HOXA5: variants seen among roughly 807,000 people sequenced by gnomAD.
HOXA5 encodes the protein homeobox protein Hox-A5.
Under a neutral mutation model 20.0 loss-of-function variants are expected in HOXA5, and 12 were observed. That is an observed-to-expected ratio of 0.60 (90% CI 0.38 to 0.97). The LOEUF (loss-of-function observed/expected upper bound fraction) is 0.97, where lower values mean the gene tolerates loss of function less well. HOXA5 is among the 50% of genes least tolerant of loss of function. The pLI is 0.00. For missense variants in HOXA5, 352 were observed against 380.3 expected, an observed-to-expected ratio of 0.93 and a Z score of 0.62; for synonymous variants, 159 against 157.7, an observed-to-expected ratio of 1.01 and a Z score of -0.06.
Position 27,143,545 on chromosome 7 carries a change from C to T in HOXA5, c.63G>A (p.Leu21=), listed in dbSNP as rs1205140983. 6.2e-7 allele frequency: 1 copy of T among 1,612,256 alleles called. No homozygotes were observed. Among genetic ancestry groups the T allele is most frequent in the Non-Finnish European group, 8.5e-7 (1 of 1,179,302 alleles). ...CGGAACTATGATCTCCATAATTATG[C>T]AACTGGTAGTCCGGGCCATTTGGAT... ...GRYPNGPDYQ[L]HNYGDHSSVS... is the part of the protein sequence containing the mutation. The change falls in exon 1 of 2, where the codon TTG becomes TTA. Residue 21 remains leucine, a synonymous_variant. Coordinates refer to ENST00000222726, the MANE Select transcript of HOXA5 (RefSeq NM_019102.4).
At position 27,141,603 on chromosome 7, in the gene HOXA5, T is replaced by C; in HGVS notation, c.*232A>G. 1 of 413,890 alleles carries C rather than the reference T, an allele frequency of 2.4e-6. No individual in the cohort carries two copies. The highest frequency in any genetic ancestry group is 4.3e-6 in the Non-Finnish European group (1 of 235,052). 25.6% of individuals were successfully genotyped at this position (413,890 alleles called of 1,614,324 possible). On this transcript the variant is annotated 3_prime_UTR_variant, in exon 2 of 2. Transcript: ENST00000222726. ...TGCTTCATATAAATAAGTTAAAACATCTATTTTTTTTCAAGACAAAGCCAT... is the reference window on the plus strand; with the variant it reads ...TGCTTCATATAAATAAGTTAAAACACCTATTTTTTTTCAAGACAAAGCCAT...
At position 27,143,459 on chromosome 7, in the gene HOXA5, T is replaced by C. The variant is rs779993928; in HGVS notation, c.149A>G (p.Asn50Ser). The change falls in exon 1 of 2, where the codon AAT (asparagine) becomes AGT (serine). Residue 50 changes from asparagine (N) to serine (S), a missense_variant. Transcript: ENST00000222726. The stretch of plus-strand genomic sequence containing the variant: ...GCGGCCGACGCTGAGATCCATGCCA[T>C]TGTAGCCGTAGCCGTACCTGCCGGA... The part of the protein sequence containing the change: ...MHSGRYGYGY[N>S]GMDLSVGRSG... The C allele has an allele frequency of 6.2e-7, 1 of 1,613,758 alleles. No individual in the cohort carries two copies. The highest frequency in any genetic ancestry group is 1.1e-5 in the South Asian group (1 of 91,038).
chr7:27,143,287 G>A lies in HOXA5; in HGVS notation c.321C>T (p.Ala107=), dbSNP rs1782639911. The A allele has an allele frequency of 6.2e-7, 1 of 1,603,746 alleles. No individual in the cohort carries two copies. The highest frequency in any genetic ancestry group is 1.7e-5 in the Admixed American group (1 of 59,498). ...GGTGGCTGTCGCTGCCGGGCGAGGG[G>A]GCCACGGCGGAGCAGGGCAGCGGAT... The part of the protein sequence containing the change: ...QPDPLPCSAV[A]PSPGSDSHHG... The change falls in exon 1 of 2, where the codon GCC becomes GCT. Residue 107 remains alanine, a synonymous_variant. Transcript: ENST00000222726.
Position 27,143,439 on chromosome 7 carries a change from C to G in HOXA5, c.169G>C (p.Gly57Arg), listed in dbSNP as rs1782646726. 1 of 1,613,214 alleles carries G rather than the reference C, an allele frequency of 6.2e-7. No individual in the cohort carries two copies. The part of the protein sequence containing the change: ...YGYNGMDLSV[G>R]RSGSGHFGSG... ...CCAAAGTGGCCGGAGCCCGAGCGGCCGACGCTGAGATCCATGCCATTGTAG... is the reference window on the plus strand; with the variant it reads ...CCAAAGTGGCCGGAGCCCGAGCGGCGGACGCTGAGATCCATGCCATTGTAG... The change falls in exon 1 of 2, where the codon GGC (glycine) becomes CGC (arginine). Residue 57 changes from glycine to arginine, a missense_variant. By Grantham distance (125) the Gly-to-Arg change is moderately radical. Around this residue, in one of 3 missense-constraint regions of HOXA5, gnomAD observed 319 missense variants for 336.5 expected, o/e 0.95. Coordinates refer to ENST00000222726, the MANE Select transcript of HOXA5 (RefSeq NM_019102.4).
Position 27,141,940 on chromosome 7 carries a change from C to G in HOXA5, c.708G>C (p.Glu236Asp). 4 of 1,614,236 alleles carry G rather than the reference C, an allele frequency of 2.5e-6. No homozygotes were observed. The highest frequency in any genetic ancestry group is 1.1e-5 in the South Asian group (1 of 91,090). Residue 236 changes from glutamate (E) to aspartate (D), a missense_variant, in exon 2 of 2, where the codon GAG becomes GAC. By Grantham distance (45) the Glu-to-Asp change is conservative. Transcript: ENST00000222726. Reference protein sequence around the residue: ...IEIAHALCLSERQIKIWFQNR... With the variant: ...IEIAHALCLSDRQIKIWFQNR... Reference sequence around the variant, plus strand: ...TTTGGAACCAGATTTTAATTTGTCTCTCGGAGAGGCAAAGAGCATGTGCTA... The same window carrying G: ...TTTGGAACCAGATTTTAATTTGTCTGTCGGAGAGGCAAAGAGCATGTGCTA...
Position 27,141,871 on chromosome 7 carries a change from C to T in HOXA5, c.777G>A (p.Met259Ile). The T allele has an allele frequency of 6.2e-7, 1 of 1,614,234 alleles. No homozygotes were observed. Among genetic ancestry groups the T allele is most frequent in the Non-Finnish European group, 8.5e-7 (1 of 1,180,046 alleles). ...KWKKDNKLKS[M>I]SMAAAGGAFR... ...AGGCCCCTCCTGCCGCGGCCATGCT[C>T]ATGCTTTTCAGCTTATTATCTTTTT... The change falls in exon 2 of 2, where the codon ATG (methionine) becomes ATA (isoleucine). Residue 259 changes from methionine to isoleucine, a missense_variant. By Grantham distance (10) the Met-to-Ile change is conservative. Coordinates refer to ENST00000222726, the MANE Select transcript of HOXA5 (RefSeq NM_019102.4).
rs1410329471 is a variant in HOXA5 at position 27,143,234 on chromosome 7, G to A, written c.374C>T (p.Ser125Phe). The A allele has an allele frequency of 1.2e-6, 2 of 1,609,620 alleles. No individual in the cohort carries two copies. Among genetic ancestry groups the A allele is most frequent in the East Asian group, 4.5e-5 (2 of 44,808 alleles). The change falls in exon 1 of 2, where the codon TCC (serine) becomes TTC (phenylalanine). Residue 125 changes from serine to phenylalanine, a missense_variant. Coordinates refer to ENST00000222726, the MANE Select transcript of HOXA5 (RefSeq NM_019102.4). ...HHGGKNSLSN[S>F]SGASADAGST... Reference sequence around the variant, plus strand: ...GCCGGCGTCGGCCGAGGCGCCGCTGGAGTTGCTTAGGGAGTTTTTCCCGCC... The same window carrying A: ...GCCGGCGTCGGCCGAGGCGCCGCTGAAGTTGCTTAGGGAGTTTTTCCCGCC...
chr7:27,142,090 A>G lies in HOXA5; in HGVS notation c.563-5T>C. The G allele has an allele frequency of 1.9e-6, 3 of 1,611,476 alleles. No individual in the cohort carries two copies. Among genetic ancestry groups the G allele is most frequent in the Middle Eastern group, 1.7e-4 (1 of 6,056 alleles). On this transcript the variant is annotated splice_polypyrimidine_tract_variant and splice_region_variant and intron_variant, in intron 1 of 1. Coordinates refer to ENST00000222726, the MANE Select transcript of HOXA5 (RefSeq NM_019102.4). ...CTTCCGGGCCGCCTATGTTGTCTGC[A>G]ATAGAAAAGTCAGCGGTTTAGCCAC...
At chr7:27,142,683 G>T (rs764806636) in intron 1 of HOXA5, 30 of 266,636 alleles carry the variant, frequency 1.1e-4, no homozygotes, top group Non-Finnish European at 1.9e-4. Context: ...TAAATTATCC[G>T]CCGTGACAAG....
At position 27,143,236 on chromosome 7, in the gene HOXA5, G is replaced by C; in HGVS notation, c.372C>G (p.Asn124Lys). ...SHHGGKNSLS[N>K]SSGASADAGS... ...CGGCGTCGGCCGAGGCGCCGCTGGA[G>C]TTGCTTAGGGAGTTTTTCCCGCCGT... is the stretch of plus-strand genomic sequence containing the variant. The change falls in exon 1 of 2, where the codon AAC becomes AAG. Residue 124 changes from asparagine to lysine, a missense_variant. Transcript: ENST00000222726. 1.9e-6 allele frequency: 3 copies of C among 1,609,528 alleles called. No homozygotes were observed. The highest frequency in any genetic ancestry group is 2.5e-6 in the Non-Finnish European group (3 of 1,178,950).
chr7:27,143,160 C>T lies in HOXA5; in HGVS notation c.448G>A (p.Glu150Lys), dbSNP rs764896847. 1.9e-6 allele frequency: 3 copies of T among 1,609,848 alleles called. No individual in the cohort carries two copies. Among genetic ancestry groups the T allele is most frequent in the East Asian group, 2.2e-5 (1 of 44,718 alleles). ...REGVGTASGA[E>K]EDAPASSEQA... is the part of the protein sequence containing the mutation. ...TCGCTGCTGGCAGGGGCGTCCTCCTCGGCTCCGGACGCCGTGCCAACCCCC... is the reference window on the plus strand; with the variant it reads ...TCGCTGCTGGCAGGGGCGTCCTCCTTGGCTCCGGACGCCGTGCCAACCCCC... Residue 150 changes from glutamate to lysine, a missense_variant, in exon 1 of 2, where the codon GAG (glutamate) becomes AAG (lysine). By Grantham distance (56) the Glu-to-Lys change is moderately conservative (BLOSUM62 1). Transcript: ENST00000222726.
In HOXA5 at chr7:27,141,139, C is replaced by CAAAAAAA; in HGVS notation, c.*695_*696insTTTTTTT. The CAAAAAAA allele has an allele frequency of 8.2e-6, 1 of 122,208 alleles. No individual in the cohort carries two copies. The highest frequency in any genetic ancestry group is 3.1e-5 in the African/African-American group (1 of 32,152). 7.6% of individuals were successfully genotyped at this position (122,208 alleles called of 1,614,324 possible). On this transcript the variant is annotated 3_prime_UTR_variant, in exon 2 of 2. Coordinates refer to ENST00000222726, the MANE Select transcript of HOXA5 (RefSeq NM_019102.4). ...AAAAAAAAAAAAAAAAAAAAAAAAGCTGATCACAGTTTGCTTAAAACAGCC... is the reference window on the plus strand; with the variant it reads ...AAAAAAAAAAAAAAAAAAAAAAAAGCAAAAAAATGATCACAGTTTGCTTAAAACAGCC...
In HOXA5 at chr7:27,142,120, T is replaced by A. The variant is rs945999979; in HGVS notation, c.563-35A>T. On this transcript the variant is annotated intron_variant, in intron 1 of 1. Transcript: ENST00000222726. ...AAAAGTCAGCGGTTTAGCCACCAAC[T>A]CCTGTCTTCCAAAGTCCGCCAGGGG... 1.9e-6 allele frequency: 3 copies of A among 1,598,028 alleles called. No homozygotes were observed. In the Admixed American group the frequency reaches 5.1e-5, roughly 27 times the overall value.
rs1325345091 is a variant in HOXA5, at chr7:27,141,793, G to T, written c.*42C>A. 1.2e-6 allele frequency: 2 copies of T among 1,600,826 alleles called. No individual in the cohort carries two copies. The highest frequency in any genetic ancestry group is 2.7e-5 in the African/African-American group (2 of 74,552). On this transcript the variant is annotated 3_prime_UTR_variant, in exon 2 of 2. Transcript: ENST00000222726. ...AGTCACCTTAGTACTGACACTACGC[G>T]GGATCCGCTAATACTGCTCAGTACT...
chr7:27,142,022 T>G lies in HOXA5; in HGVS notation c.626A>C (p.Glu209Ala). Residue 209 changes from glutamate to alanine, a missense_variant, in exon 2 of 2, where the codon GAG becomes GCG. Physicochemically the swap from Glu to Ala is moderately radical, Grantham distance 107 (BLOSUM62 -1). This residue lies in a region of HOXA5 where 319 missense variants were observed against 336.5 expected (regional missense o/e 0.95). Transcript: ENST00000222726. Reference sequence around the variant, plus strand: ...GTTGAAGTGGAACTCCTTCTCCAGCTCCAGGGTCTGGTAGCGCGTGTAGGC... The same window carrying G: ...GTTGAAGTGGAACTCCTTCTCCAGCGCCAGGGTCTGGTAGCGCGTGTAGGC... ...RTAYTRYQTLELEKEFHFNRY... is the reference protein window; with the variant it reads ...RTAYTRYQTLALEKEFHFNRY... The G allele has an allele frequency of 5.0e-6, 8 of 1,614,218 alleles. No homozygotes were observed. Among genetic ancestry groups the G allele is most frequent in the Non-Finnish European group, 6.8e-6 (8 of 1,180,040 alleles).
chr7:27,142,137 C>T (rs1348813668), intron 1 of HOXA5, 52 bp from the exon 2 acceptor site: 2 of 1,581,770 alleles, frequency 1.3e-6, no homozygotes, highest in South Asian at 2.3e-5. Flanking sequence ...TTCCAAAGTC[C>T]GCCAGGGGGA....
intron 1 of HOXA5, chr7:27,142,780 G>A: frequency 2.3e-6 from 1 of 442,246 alleles, no homozygotes; most frequent in South Asian, 5.5e-5. Context: ...AAGGCGTGGG[G>A]TTCCAGAGGG....
chr7:27,141,805 T>C lies in HOXA5; in HGVS notation c.*30A>G, dbSNP rs754079768. 1 of 1,610,562 alleles carries C rather than the reference T, an allele frequency of 6.2e-7. No individual in the cohort carries two copies. Among genetic ancestry groups the C allele is most frequent in the South Asian group, 1.1e-5 (1 of 90,624 alleles). ...ACTGACACTACGCGGGATCCGCTAATACTGCTCAGTACTTTAAACGCTCAG... is the reference window on the plus strand; with the variant it reads ...ACTGACACTACGCGGGATCCGCTAACACTGCTCAGTACTTTAAACGCTCAG... On this transcript the variant is annotated 3_prime_UTR_variant, in exon 2 of 2. Coordinates refer to ENST00000222726, the MANE Select transcript of HOXA5 (RefSeq NM_019102.4).
At position 27,141,366 on chromosome 7, in the gene HOXA5, G is replaced by T. The variant is rs1782563007; in HGVS notation, c.*469C>A. On this transcript the variant is annotated 3_prime_UTR_variant, in exon 2 of 2. Coordinates refer to ENST00000222726, the MANE Select transcript of HOXA5 (RefSeq NM_019102.4). ...GTCTCATCAAGTCACCTCTACAACA[G>T]CATTAATTACACAAGGAATATAGGT... is the stretch of plus-strand genomic sequence containing the variant. The T allele has an allele frequency of 1.3e-5, 2 of 159,080 alleles. No individual in the cohort carries two copies. Among genetic ancestry groups the T allele is most frequent in the Admixed American group, 1.2e-4 (2 of 16,420 alleles). The allele number at this position is 159,080 out of a possible 1,614,324, so 9.9% of individuals were successfully genotyped here.
Sources: gnomAD v4.1 joint callset for allele counts on GRCh38, gnomAD v4.1.1 for gene constraint, gnomAD v4.1.1 regional missense constraint, MANE v1.5 for transcripts, NCBI Gene and HGNC (gene_info 2026-07-23, HGNC 2026-07-21) for gene names.